Variants in PIK3C2A observed in about 807,000 individuals in gnomAD.
PIK3C2A encodes phosphatidylinositol 4-phosphate 3-kinase C2 domain-containing subunit alpha.
Under a neutral mutation model 204.5 loss-of-function variants are expected in PIK3C2A, and 97 were observed. The ratio of observed to expected loss-of-function variants is 0.47; its 90% confidence interval spans 0.40 to 0.56. The LOEUF (loss-of-function observed/expected upper bound fraction) is 0.56. Ranked by LOEUF, PIK3C2A falls within the 20% of genes least tolerant of loss-of-function variation. PIK3C2A has a pLI of 0.00. For missense variants in PIK3C2A, 1,735 were observed against 1,969.2 expected, an observed-to-expected ratio of 0.88 and a Z score of 2.25; for synonymous variants, 653 against 664.4, an observed-to-expected ratio of 0.98 and a Z score of 0.26.
rs1849230042 is a variant in PIK3C2A, at chr11:17,117,433, C to T, written c.3216+58G>A. 4 of 1,201,970 alleles carry T rather than the reference C, an allele frequency of 3.3e-6. No individual in the cohort carries two copies. The African/African-American group carries it at 4.5e-5, about 14-fold the overall frequency. The allele number at this position is 1,201,970 out of a possible 1,614,324, so 74.5% of individuals were successfully genotyped here. On this transcript the variant is annotated intron_variant, in intron 19 of 32. Transcript: ENST00000691414. Reference sequence around the variant, plus strand: ...AGAATAGCAACTTAATTAGTCAGCACCATAAAGATCCTTCCTTTAACATTA... The same window carrying T: ...AGAATAGCAACTTAATTAGTCAGCATCATAAAGATCCTTCCTTTAACATTA...
intron 20 of PIK3C2A, among the ~76,000 whole-genome samples, chr11:17,114,080 A>AAAATAAATAAATAAATAAAT (rs371798912): frequency 0.067 from 9,619 of 143,238 alleles, 356 homozygotes; most frequent in Non-Finnish European, 0.081. Context: ...TTTGTCTCAA[A>AAAATAAATAAATAAATAAAT]AAATAAATAA....
At chr11:17,136,161 A>C (rs1298333385) in intron 9 of PIK3C2A, among the ~76,000 whole-genome samples, 1 of 152,184 alleles carries the variant, frequency 6.6e-6, no homozygotes, top group African/African-American at 2.4e-5. Flanking sequence ...CCAAGGGAGA[A>C]GTGATAGTTA....
chr11:17,112,576 T>G lies in PIK3C2A; in HGVS notation c.3412A>C (p.Lys1138Gln), dbSNP rs750384206. ...PMGEEINVMF[K>Q]VGEDLRQDML... Reference sequence around the variant, plus strand: ...AAACAGTAACATTATTTACTCACCTTAAACATGACATTAATTTCTTCTCCC... The same window carrying G: ...AAACAGTAACATTATTTACTCACCTGAAACATGACATTAATTTCTTCTCCC... The change falls in exon 21 of 33, where the codon AAG becomes CAG. Residue 1138 changes from lysine to glutamine, a missense_variant and splice_region_variant. This residue lies in a region of PIK3C2A where 503 missense variants were observed against 669.0 expected (regional missense o/e 0.75). Coordinates refer to ENST00000691414, the MANE Select transcript of PIK3C2A (RefSeq NM_002645.4). 1 of 1,464,120 alleles carries G rather than the reference T, an allele frequency of 6.8e-7. No individual in the cohort carries two copies. The highest frequency in any genetic ancestry group is 9.4e-7 in the Non-Finnish European group (1 of 1,066,860). The allele number at this position is 1,464,120 out of a possible 1,614,324, so 90.7% of individuals were successfully genotyped here. A position where few individuals can be genotyped will look rare whatever the true frequency, so the allele number is the denominator to read the frequency against.
intron 1 of PIK3C2A, among the ~76,000 whole-genome samples, chr11:17,185,720 A>G (rs965647273): frequency 2.0e-5 from 3 of 152,228 alleles, no homozygotes; most frequent in African/African-American, 7.2e-5. Context: ...TACAGGCTCT[A>G]TCTTCAAAAT....
chr11:17,168,806 T>C lies in PIK3C2A; in HGVS notation c.936A>G (p.Arg312=). ...DPWDAVLLEE[R]STANCHLERK... ...TTTCAAGATGACAATTTGCTGTCGA[T>C]CTCTCTTCAAGAAGAACAGCATCCC... Residue 312 remains arginine, a synonymous_variant, in exon 2 of 33, where the codon AGA becomes AGG. Transcript: ENST00000691414. 1 of 1,614,050 alleles carries C rather than the reference T, an allele frequency of 6.2e-7. No individual in the cohort carries two copies. The highest frequency in any genetic ancestry group is 8.5e-7 in the Non-Finnish European group (1 of 1,179,984).
chr11:17,112,497 C>A, intron 21 of PIK3C2A, 77 bp downstream of exon 21: 1 of 661,042 alleles, frequency 1.5e-6, no homozygotes, highest in Non-Finnish European at 2.7e-6. Flanking sequence ...ACAAAATCAC[C>A]TTTGCAATTT....
At chr11:17,172,104 TAGG>T (rs1851189959) in intron 1 of PIK3C2A, among the ~76,000 whole-genome samples, 1 of 152,160 alleles carries the variant, frequency 6.6e-6, no homozygotes, top group Non-Finnish European at 1.5e-5. Context: ...TAGTAGGGAA[TAGG>T]AGGAGCACAA....
At chr11:17,137,303 GCTC>G (rs1361670342) in intron 8 of PIK3C2A, among the ~76,000 whole-genome samples, 2 of 151,988 alleles carry the variant, frequency 1.3e-5, no homozygotes, top group Non-Finnish European at 1.5e-5. Context: ...CTGTTTTCTA[GCTC>G]CTCATTTTTG....
intron 20 of PIK3C2A, 39 bp downstream of exon 20, chr11:17,114,322 T>G: frequency 9.4e-7 from 1 of 1,059,660 alleles, no homozygotes; most frequent in Non-Finnish European, 1.5e-6. Flanking sequence ...CCTATTATTT[T>G]CAAATGTAAT....
chr11:17,100,263 A>AGGG (rs1848587928), intron 25 of PIK3C2A, among the ~76,000 whole-genome samples: 12 of 42,950 alleles, frequency 2.8e-4, no homozygotes, highest in South Asian at 9.3e-4. Flanking sequence ...GGGGGGGGGC[A>AGGG]GGGAGCCGGG....
At position 17,122,219 on chromosome 11, in the gene PIK3C2A, G is replaced by A. The variant is rs1246733477; in HGVS notation, c.2626C>T (p.Leu876Phe). Residue 876 changes from leucine (L) to phenylalanine (F), a missense_variant, in exon 15 of 33, where the codon CTT becomes TTT. Physicochemically the swap from Leu to Phe is conservative, Grantham distance 22. Around this residue, in one of 6 missense-constraint regions of PIK3C2A, gnomAD observed 567 missense variants for 576.0 expected, o/e 0.98. Transcript: ENST00000691414. ...GATGAGTCTTTATGAAGAATATCAA[G>A]AAGTTTCCCTTTTATATCATTCTCT... ...TLENDIKGKL[L>F]DILHKDSSLG... 1.9e-6 allele frequency: 3 copies of A among 1,581,298 alleles called. No homozygotes were observed. Among genetic ancestry groups the A allele is most frequent in the Middle Eastern group, 4.3e-4 (2 of 4,616 alleles).
chr11:17,091,653 G>A lies in PIK3C2A; in HGVS notation c.4646C>T (p.Ala1549Val), dbSNP rs773329430. The part of the protein sequence containing the change: ...KAEGIARSAD[A>V]GSFSPTPGQI... Reference sequence around the variant, plus strand: ...GCCTGGAGTAGGACTGAAGGAACCTGCATCTGAAAATACAAATATTTTCAT... The same window carrying A: ...GCCTGGAGTAGGACTGAAGGAACCTACATCTGAAAATACAAATATTTTCAT... Residue 1549 changes from alanine (A) to valine (V), a missense_variant, in exon 31 of 33, where the codon GCA becomes GTA. Ala to Val is a moderately conservative substitution (Grantham distance 64, BLOSUM62 0). Around this residue, in one of 6 missense-constraint regions of PIK3C2A, gnomAD observed 503 missense variants for 669.0 expected, o/e 0.75. Coordinates refer to ENST00000691414, the MANE Select transcript of PIK3C2A (RefSeq NM_002645.4). 1 of 1,563,694 alleles carries A rather than the reference G, an allele frequency of 6.4e-7. No homozygotes were observed. The highest frequency in any genetic ancestry group is 8.8e-7 in the Non-Finnish European group (1 of 1,141,392).
chr11:17,169,690 G>A lies in PIK3C2A; in HGVS notation c.52C>T (p.Pro18Ser). The A allele has an allele frequency of 3.1e-6, 5 of 1,609,494 alleles. No individual in the cohort carries two copies. Among genetic ancestry groups the A allele is most frequent in the Non-Finnish European group, 4.2e-6 (5 of 1,179,806 alleles). ...ACATCTTTTGCTCTTGTTGGTTCCG[G>A]ATGTGAAGATGGACATTCTTTAAAT... is the stretch of plus-strand genomic sequence containing the variant. ...SGFKECPSSH[P>S]EPTRAKDVDK... Residue 18 changes from proline to serine, a missense_variant, in exon 2 of 33, where the codon CCG (proline) becomes TCG (serine). Pro to Ser is a moderately conservative substitution (Grantham distance 74). This residue lies in a region of PIK3C2A where 536 missense variants were observed against 546.7 expected (regional missense o/e 0.98). Coordinates refer to ENST00000691414, the MANE Select transcript of PIK3C2A (RefSeq NM_002645.4).
At position 17,091,987 on chromosome 11, in the gene PIK3C2A, T is replaced by TA; in HGVS notation, c.4642+8dup. 6.3e-7 allele frequency: 1 copy of TA among 1,576,240 alleles called. No individual in the cohort carries two copies. Among genetic ancestry groups the TA allele is most frequent in the Non-Finnish European group, 8.7e-7 (1 of 1,146,410 alleles). On this transcript the variant is annotated intron_variant, in intron 30 of 32. Coordinates refer to ENST00000691414, the MANE Select transcript of PIK3C2A (RefSeq NM_002645.4). Reference sequence around the variant, plus strand: ...GAGTTACCAATAAAGAGAAAAAAAATAATCTCACCTGCAGACCTAGCTATC... The same window carrying TA: ...GAGTTACCAATAAAGAGAAAAAAAATAAATCTCACCTGCAGACCTAGCTATC...
intron 23 of PIK3C2A, among the ~76,000 whole-genome samples, 182 bp from the exon 24 acceptor site, chr11:17,103,013 T>A (rs1848692838): frequency 6.6e-6 from 1 of 151,892 alleles, no homozygotes; most frequent in Non-Finnish European, 1.5e-5. Flanking sequence ...ACAAAAACAC[T>A]CTTCTAAGGG....
intron 13 of PIK3C2A, among the ~76,000 whole-genome samples, chr11:17,128,258 A>G (rs1008105759): frequency 7.9e-5 from 11 of 139,760 alleles, no homozygotes; most frequent in Non-Finnish European, 1.6e-5. Flanking sequence ...TTTTTCTTTT[A>G]GAACTTTAGA....
chr11:17,091,882 C>A, intron 30 of PIK3C2A, 114 bp downstream of exon 30: 1 of 771,990 alleles, frequency 1.3e-6, no homozygotes, highest in South Asian at 1.5e-5. Flanking sequence ...AGAATACTCT[C>A]CTCCCATTCT....
At chr11:17,150,471 G>C (rs372409852) in intron 4 of PIK3C2A, 27 bp downstream of exon 4, 9 of 1,547,836 alleles carry the variant, frequency 5.8e-6, no homozygotes, top group South Asian at 1.2e-5. Context: ...AGAGCAAAAC[G>C]AGAGGCTTGA....
Position 17,129,457 on chromosome 11 carries a change from GA to G in PIK3C2A, c.2241del (p.Pro748LeufsTer9). The part of the protein sequence containing the change: ...YLIKWDELII[F>X]PIQISQLPLE... ...AATGGCAATTGTGATATCTGGATAG[GA>G]AAAATGATTCTATGGGGGGAAAAAT... On this transcript the variant is annotated frameshift_variant, in exon 13 of 33. Transcript: ENST00000691414. LOFTEE classifies it high-confidence loss of function. 1 of 1,596,394 alleles carries G rather than the reference GA, an allele frequency of 6.3e-7. No homozygotes were observed. The highest frequency in any genetic ancestry group is 8.6e-7 in the Non-Finnish European group (1 of 1,166,724).
Sources: allele counts gnomAD v4.1 joint callset (sites outside exome capture counted in the v4.1 genomes callset), GRCh38; gene constraint gnomAD v4.1.1; regional missense constraint gnomAD v4.1.1; transcripts MANE v1.5; gene names NCBI Gene and HGNC (gene_info 2026-07-23, HGNC 2026-07-21).